The following TTC28 variants were observed in gnomAD, a reference collection of about 807,000 sequenced individuals.
The protein encoded by TTC28 is tetratricopeptide repeat domain 28.
A neutral mutation model predicts 198.0 loss-of-function variants in TTC28; 61 were observed. The observed-to-expected ratio is 0.31, with a 90% confidence interval of 0.25 to 0.38. The LOEUF (loss-of-function observed/expected upper bound fraction) is 0.38, where lower values mean the gene tolerates loss of function less well. Among genes scored for constraint, TTC28 ranks in the 10% least tolerant of loss-of-function variants. The pLI, the probability that TTC28 is intolerant of heterozygous loss-of-function variation, is 1.00. For missense variants in TTC28, 2,678 were observed against 3,164.0 expected (o/e 0.85, Z 3.69); for synonymous variants, 1,171 against 1,297.8 (o/e 0.90, Z 2.10).
chr22:28,188,167 C>T (rs1924385709), intron 5 of TTC28, among the ~76,000 whole-genome samples: 1 of 152,176 alleles, frequency 6.6e-6, no homozygotes, highest in South Asian at 2.1e-4. Context: ...CCCTAGTTTG[C>T]AACTTCTGCT....
chr22:28,314,047 A>G (rs1309938113), intron 2 of TTC28, among the ~76,000 whole-genome samples: 13 of 152,304 alleles, frequency 8.5e-5, no homozygotes, highest in Non-Finnish European at 1.8e-4. Flanking sequence ...CAAAAATCAC[A>G]AGCATTCCTA....
In TTC28 at chr22:28,105,592, G is replaced by T. The variant is rs189318371; in HGVS notation, c.2994C>A (p.Asp998Glu). Residue 998 changes from aspartate to glutamate, a missense_variant, in exon 8 of 23, where the codon GAC becomes GAA. Transcript: ENST00000397906. ...AAACGCCCCCCAGGCCACAGGCTGCGTCACTCTCCAGGGCTCGGTCTTTCA... is the reference window on the plus strand; with the variant it reads ...AAACGCCCCCCAGGCCACAGGCTGCTTCACTCTCCAGGGCTCGGTCTTTCA... ...RDMKDRALES[D>E]AACGLGGVYQ... The T allele has an allele frequency of 1.3e-6, 2 of 1,551,694 alleles. No homozygotes were observed. The highest frequency in any genetic ancestry group is 3.9e-5 in the Admixed American group (2 of 50,980).
chr22:28,467,652 T>A (rs1471738905), intron 2 of TTC28, among the ~76,000 whole-genome samples: 2 of 152,194 alleles, frequency 1.3e-5, no homozygotes, highest in African/African-American at 4.8e-5. Flanking sequence ...ATTGTAATAT[T>A]AGGAATTGTA....
intron 13 of TTC28, among the ~76,000 whole-genome samples, chr22:28,026,295 C>G (rs945834974): frequency 1.3e-5 from 2 of 152,174 alleles, no homozygotes; most frequent in Non-Finnish European, 2.9e-5. Flanking sequence ...GCTGCACACT[C>G]CATAACATGC....
intron 2 of TTC28, among the ~76,000 whole-genome samples, chr22:28,558,253 A>G (rs975068501): frequency 6.6e-6 from 1 of 152,244 alleles, no homozygotes; most frequent in African/African-American, 2.4e-5. Flanking sequence ...AACATTTATC[A>G]TAAGTAATTT....
At chr22:28,544,834 C>G (rs769653867) in intron 2 of TTC28, among the ~76,000 whole-genome samples, 2 of 152,096 alleles carry the variant, frequency 1.3e-5, no homozygotes, top group Non-Finnish European at 2.9e-5. Context: ...TGGAAGTTAC[C>G]CTATATGGTC....
chr22:28,197,919 G>C (rs1010333444), intron 5 of TTC28, among the ~76,000 whole-genome samples: 4 of 152,032 alleles, frequency 2.6e-5, no homozygotes. Context: ...ATCTTCATTA[G>C]TGATTAAGGG....
chr22:28,407,729 G>A (rs2047020324), intron 2 of TTC28, among the ~76,000 whole-genome samples: 1 of 152,102 alleles, frequency 6.6e-6, no homozygotes, highest in Admixed American at 6.6e-5. Context: ...TTTGTGACTT[G>A]CGCATATAAT....
chr22:28,336,588 T>A (rs958054250), intron 2 of TTC28, among the ~76,000 whole-genome samples: 1 of 152,184 alleles, frequency 6.6e-6, no homozygotes, highest in Non-Finnish European at 1.5e-5. Context: ...TATCGAGGAA[T>A]TTATCCATTT....
chr22:28,630,825 T>C (rs2051161550), intron 1 of TTC28, among the ~76,000 whole-genome samples: 1 of 152,238 alleles, frequency 6.6e-6, no homozygotes, highest in South Asian at 2.1e-4. Flanking sequence ...TGTATTTGTA[T>C]TTGTTGAATG....
At chr22:28,627,003 A>G (rs2051086465) in intron 2 of TTC28, among the ~76,000 whole-genome samples, 1 of 152,142 alleles carries the variant, frequency 6.6e-6, no homozygotes, top group East Asian at 1.9e-4. Context: ...GGCGTTCACA[A>G]ATATAGGAAA....
rs2045869910 is a variant in TTC28, at chr22:28,343,911, A to T, written c.382-37268T>A. Among the ~76,000 whole-genome samples the T allele has an allele frequency of 2.0e-5, 3 of 152,220 alleles. No homozygotes were observed. In the South Asian group the frequency reaches 6.2e-4, roughly 32 times the overall value. On this transcript the variant is annotated intron_variant, in intron 2 of 22. Coordinates refer to ENST00000397906, the MANE Select transcript of TTC28 (RefSeq NM_001145418.2). Reference sequence around the variant, plus strand: ...GCTTAGAGGAAGGACAAAGAAAAGGATTCTTTATTTCAACATCAAATATAC... The same window carrying T: ...GCTTAGAGGAAGGACAAAGAAAAGGTTTCTTTATTTCAACATCAAATATAC...
At chr22:28,563,965 A>T (rs2049930729) in intron 2 of TTC28, among the ~76,000 whole-genome samples, 1 of 152,210 alleles carries the variant, frequency 6.6e-6, no homozygotes, top group South Asian at 2.1e-4. Flanking sequence ...TTCAGCAATA[A>T]AAAGGAATGT....
At chr22:28,503,210 T>G (rs757120089) in intron 2 of TTC28, among the ~76,000 whole-genome samples, 4 of 152,118 alleles carry the variant, frequency 2.6e-5, no homozygotes, top group Non-Finnish European at 4.4e-5. Context: ...TCCTCTACTT[T>G]CTTCAGAACT....
chr22:28,472,550 GTA>G (rs60610923), intron 2 of TTC28, among the ~76,000 whole-genome samples: 20,434 of 100,276 alleles, frequency 0.2, 1,751 homozygotes, highest in Non-Finnish European at 0.28. Flanking sequence ...AAGAAAATGT[GTA>G]TGTGTGTGTG....
intron 13 of TTC28, among the ~76,000 whole-genome samples, chr22:28,020,113 A>C (rs1376191483): frequency 6.6e-6 from 1 of 152,214 alleles, no homozygotes; most frequent in African/African-American, 2.4e-5. Flanking sequence ...GTGCCCTCCC[A>C]GCCGCTGTGT....
intron 2 of TTC28, among the ~76,000 whole-genome samples, chr22:28,363,081 G>A (rs2046184378): frequency 6.6e-6 from 1 of 152,156 alleles, no homozygotes. Context: ...AGACAATGGG[G>A]AAAATGTCAG....
intron 2 of TTC28, among the ~76,000 whole-genome samples, chr22:28,551,728 T>A (rs902815177): frequency 6.6e-5 from 10 of 152,272 alleles, no homozygotes; most frequent in Non-Finnish European, 1.5e-4. Context: ...GGACATACTT[T>A]AATGTAATAA....
chr22:28,365,230 T>C (rs2046228639), intron 2 of TTC28, among the ~76,000 whole-genome samples: 1 of 152,242 alleles, frequency 6.6e-6, no homozygotes, highest in Admixed American at 6.5e-5. Flanking sequence ...TTAAGGCATA[T>C]ACATTGTTTT....
Sources: gnomAD v4.1 joint callset for allele counts (sites outside exome capture counted in the v4.1 genomes callset) on GRCh38, gnomAD v4.1.1 for gene constraint, MANE v1.5 for transcripts, NCBI Gene and HGNC (gene_info 2026-07-23, HGNC 2026-07-21) for gene names.